MAP3K3: variants seen among roughly 807,000 people sequenced by gnomAD.
MAP3K3 encodes the protein MAP/ERK kinase kinase 3.
In MAP3K3, 12 loss-of-function variants were observed where a neutral mutation model predicts 80.9. That is an observed-to-expected ratio of 0.15 (90% CI 0.10 to 0.24). MAP3K3 has a LOEUF of 0.24. Ranked by LOEUF, MAP3K3 falls within the 10% of genes least tolerant of loss-of-function variation. The probability of loss-of-function intolerance (pLI) is 1.00; values close to 1 mark genes in which losing one functional copy is unlikely to be tolerated. For synonymous variants in MAP3K3, 272 were observed against 307.1 expected (o/e 0.89, Z 1.19); for missense variants, 596 against 834.7 (o/e 0.71, Z 3.52).
chr17:63,681,109 AT>A (rs1422221913), intron 6 of MAP3K3, among the ~76,000 whole-genome samples: 1 of 149,588 alleles, frequency 6.7e-6, no homozygotes, highest in African/African-American at 2.5e-5. Context: ...CCCTGTCTCA[AT>A]TTAAAAAAAA....
intron 6 of MAP3K3, among the ~76,000 whole-genome samples, chr17:63,673,847 T>A (rs538774883): frequency 6.6e-6 from 1 of 152,182 alleles, no homozygotes; most frequent in Non-Finnish European, 1.5e-5. Context: ...GAAGCAGAGG[T>A]TGCATTGAGC....
intron 5 of MAP3K3, among the ~76,000 whole-genome samples, chr17:63,659,564 A>C (rs1244810759): frequency 8.4e-6 from 1 of 119,432 alleles, no homozygotes; most frequent in African/African-American, 3.4e-5. Flanking sequence ...ATGGAGTCTC[A>C]CTCTGTCGCC....
At chr17:63,655,845 T>G (rs1303026215) in intron 4 of MAP3K3, among the ~76,000 whole-genome samples, 1 of 152,200 alleles carries the variant, frequency 6.6e-6, no homozygotes, top group Non-Finnish European at 1.5e-5. Context: ...CCACTTTGAA[T>G]GTCACACAGG....
intron 2 of MAP3K3, among the ~76,000 whole-genome samples, chr17:63,644,543 A>T (rs2034505385): frequency 2.0e-5 from 3 of 152,234 alleles, no homozygotes; most frequent in South Asian, 4.1e-4. Flanking sequence ...AAATGAATAA[A>T]GTAAATTTTC....
chr17:63,681,726 C>T, intron 6 of MAP3K3, 40 bp from the exon 7 acceptor site: 2 of 1,387,234 alleles, frequency 1.4e-6, no homozygotes, highest in Non-Finnish European at 1.9e-6. Flanking sequence ...GGCCACACAC[C>T]CTGGGCTCTG....
At chr17:63,649,583 A>G (rs2034609687) in intron 3 of MAP3K3, among the ~76,000 whole-genome samples, 1 of 152,136 alleles carries the variant, frequency 6.6e-6, no homozygotes, top group African/African-American at 2.4e-5. Context: ...ATAGCCAGGT[A>G]ATTTTTGTAG....
At chr17:63,647,313 G>A (rs1332147826) in intron 3 of MAP3K3, among the ~76,000 whole-genome samples, 1 of 152,212 alleles carries the variant, frequency 6.6e-6, no homozygotes, top group Non-Finnish European at 1.5e-5. Context: ...GCCATTAGCA[G>A]AGAAGTTAAA....
chr17:63,624,374 AG>A (rs1422294137), intron 1 of MAP3K3, among the ~76,000 whole-genome samples: 1 of 152,210 alleles, frequency 6.6e-6, no homozygotes, highest in Non-Finnish European at 1.5e-5. Flanking sequence ...GAAATACTTA[AG>A]GGTATGTAGA....
intron 3 of MAP3K3, among the ~76,000 whole-genome samples, chr17:63,646,737 AG>A (rs1468899925): frequency 6.6e-6 from 1 of 152,200 alleles, no homozygotes; most frequent in East Asian, 1.9e-4. Flanking sequence ...CCAAGGTAGA[AG>A]TTCTCAGTAG....
intron 3 of MAP3K3, among the ~76,000 whole-genome samples, chr17:63,646,582 G>T (rs971074339): frequency 6.6e-6 from 1 of 152,200 alleles, no homozygotes; most frequent in Non-Finnish European, 1.5e-5. Flanking sequence ...AAAGACTTTA[G>T]CTCCTTTGAG....
chr17:63,693,679 C>G lies in MAP3K3; in HGVS notation c.1783C>G (p.His595Asp), dbSNP rs769042361. ...TCAGCTGCCCTCCCACATCTCTGAA[C>G]ATGGCCGGGACTTCCTGAGGCGCAT... ...NPQLPSHISE[H>D]GRDFLRRIFV... The change falls in exon 16 of 16, where the codon CAT (histidine) becomes GAT (aspartate). Residue 595 changes from histidine (H) to aspartate (D), a missense_variant. This residue lies in a region of MAP3K3 where 364 missense variants were observed against 588.9 expected (regional missense o/e 0.62). Transcript: ENST00000361733. This position sits in a 1 kb window ranked among gnomAD's most constrained non-coding sequence, Gnocchi z 4.2. The G allele has an allele frequency of 6.2e-7, 1 of 1,609,246 alleles. No individual in the cohort carries two copies. Among genetic ancestry groups the G allele is most frequent in the Admixed American group, 1.7e-5 (1 of 58,886 alleles).
chr17:63,681,887 C>G lies in MAP3K3; in HGVS notation c.624C>G (p.Thr208=). The change falls in exon 7 of 16, where the codon ACC becomes ACG. Residue 208 remains threonine (T), a synonymous_variant. Transcript: ENST00000361733. ...INSEGEFIPE[T]SEQCMLDPLS... is the part of the protein sequence containing the mutation. The stretch of plus-strand genomic sequence containing the variant: ...GTGAGGGGGAGTTCATCCCAGAGAC[C>G]AGCGAGCAGTGCGTGAGTATAGGGG... 1 of 1,488,724 alleles carries G rather than the reference C, an allele frequency of 6.7e-7. No individual in the cohort carries two copies. The highest frequency in any genetic ancestry group is 9.0e-7 in the Non-Finnish European group (1 of 1,109,902). 92.2% of individuals were successfully genotyped at this position (1,488,724 alleles called of 1,614,324 possible).
intron 2 of MAP3K3, among the ~76,000 whole-genome samples, chr17:63,642,626 C>G (rs2034464992): frequency 6.6e-6 from 1 of 151,940 alleles, no homozygotes; most frequent in Non-Finnish European, 1.5e-5. Flanking sequence ...CCACTGCACT[C>G]CAGCCTGGGC....
chr17:63,631,632 G>C (rs2143169505), intron 1 of MAP3K3, among the ~76,000 whole-genome samples: 1 of 152,292 alleles, frequency 6.6e-6, no homozygotes, highest in Non-Finnish European at 1.5e-5. Context: ...TGTACAACAT[G>C]GAATTGGACT....
chr17:63,684,499 G>A (rs1033693555), intron 7 of MAP3K3, among the ~76,000 whole-genome samples: 2 of 152,124 alleles, frequency 1.3e-5, no homozygotes, highest in African/African-American at 2.4e-5. Flanking sequence ...AAAATCATGT[G>A]TGACAACATG....
chr17:63,661,133 G>A (rs1217275071), intron 5 of MAP3K3, among the ~76,000 whole-genome samples: 2 of 151,980 alleles, frequency 1.3e-5, no homozygotes, highest in Admixed American at 6.6e-5. Flanking sequence ...TGCAACCTCC[G>A]CCTCCCAGAT....
In MAP3K3 at chr17:63,696,032, C is replaced by A. The variant is rs1026006394; in HGVS notation, c.*2255C>A. Reference sequence around the variant, plus strand: ...GGCTTGCTGTGGGAAGGGGCCGTGCCGTCACTTTCTCATCATTCCATGGGG... The same window carrying A: ...GGCTTGCTGTGGGAAGGGGCCGTGCAGTCACTTTCTCATCATTCCATGGGG... On this transcript the variant is annotated 3_prime_UTR_variant, in exon 16 of 16. Coordinates refer to ENST00000361733, the MANE Select transcript of MAP3K3 (RefSeq NM_002401.5). 9 of 152,568 alleles carry A rather than the reference C, an allele frequency of 5.9e-5. No individual in the cohort carries two copies. The highest frequency in any genetic ancestry group is 2.0e-4 in the Admixed American group (3 of 15,270). The allele number at this position is 152,568 out of a possible 1,614,324, so 9.5% of individuals were successfully genotyped here. A position where few individuals can be genotyped will look rare whatever the true frequency, so the allele number is the denominator to read the frequency against.
At position 63,693,745 on chromosome 17, in the gene MAP3K3, C is replaced by T. The variant is rs2035639327; in HGVS notation, c.1849C>T (p.Leu617Phe). The T allele has an allele frequency of 6.2e-7, 1 of 1,602,014 alleles. No homozygotes were observed. The highest frequency in any genetic ancestry group is 8.5e-7 in the Non-Finnish European group (1 of 1,172,642). The change falls in exon 16 of 16, where the codon CTC (leucine) becomes TTC (phenylalanine). Residue 617 changes from leucine (L) to phenylalanine (F), a missense_variant. By Grantham distance (22) the Leu-to-Phe change is conservative (BLOSUM62 0). This residue lies in a region of MAP3K3 where 364 missense variants were observed against 588.9 expected (regional missense o/e 0.62). Coordinates refer to ENST00000361733, the MANE Select transcript of MAP3K3 (RefSeq NM_002401.5). The surrounding 1 kb of genome is among the most constrained non-coding windows in gnomAD (Gnocchi z 4.2). ...ARQRPSAEEL[L>F]THHFAQLMY ...CCAGAGACCTTCAGCTGAGGAGCTG[C>T]TCACACACCACTTTGCACAGCTCAT... is the stretch of plus-strand genomic sequence containing the variant.
intron 6 of MAP3K3, among the ~76,000 whole-genome samples, chr17:63,671,302 C>CCGAA (rs2035103293): frequency 6.7e-6 from 1 of 149,988 alleles, no homozygotes; most frequent in Non-Finnish European, 1.5e-5. Flanking sequence ...TGTCACCAGG[C>CCGAA]CGAAGTGCAG....
Sources: allele counts gnomAD v4.1 joint callset (sites outside exome capture counted in the v4.1 genomes callset), GRCh38; gene constraint gnomAD v4.1.1; regional missense constraint gnomAD v4.1.1; non-coding constraint Gnocchi (gnomAD v3.1); transcripts MANE v1.5; gene names NCBI Gene and HGNC (gene_info 2026-07-23, HGNC 2026-07-21).